Variants in EVL observed in about 807,000 individuals in gnomAD.
EVL encodes the protein Enah/Vasp-like.
In EVL, 21 loss-of-function variants were observed where a neutral mutation model predicts 59.6. The observed-to-expected ratio is 0.35, with a 90% confidence interval of 0.25 to 0.51. The LOEUF (loss-of-function observed/expected upper bound fraction) is 0.51, where lower values mean the gene tolerates loss of function less well. Among genes scored for constraint, EVL ranks in the 20% least tolerant of loss-of-function variants. The pLI, the probability that EVL is intolerant of heterozygous loss-of-function variation, is 0.97. For synonymous variants in EVL, 198 were observed against 203.5 expected, an observed-to-expected ratio of 0.97 and a Z score of 0.23; for missense variants, 462 against 546.6, an observed-to-expected ratio of 0.85 and a Z score of 1.54.
chr14:100,094,976 G>A lies in EVL; in HGVS notation c.181-2505G>A, dbSNP rs1432203052. 3.9e-5 allele frequency among the ~76,000 whole-genome samples: 6 copies of A among 152,168 alleles called. No homozygotes were observed. In the East Asian group the frequency reaches 1.2e-3, roughly 29 times the overall value. On this transcript the variant is annotated intron_variant, in intron 2 of 13. Coordinates refer to ENST00000392920, the MANE Select transcript of EVL (RefSeq NM_016337.3). ...GAAACGTTTGAACCCGGGAGGTGGAGGTTGCAGTGAGCCAAGATCGCACCA... is the reference window on the plus strand; with the variant it reads ...GAAACGTTTGAACCCGGGAGGTGGAAGTTGCAGTGAGCCAAGATCGCACCA...
chr14:99,989,634 G>T (rs75077944), intron 1 of EVL, among the ~76,000 whole-genome samples: 1 of 152,112 alleles, frequency 6.6e-6, no homozygotes, highest in African/African-American at 2.4e-5. Context: ...TATAATATTC[G>T]TCCTGATTGT....
In EVL at chr14:100,006,374, T is replaced by C. The variant is rs968923241; in HGVS notation, c.5+34317T>C. On this transcript the variant is annotated intron_variant, in intron 1 of 13. Transcript: ENST00000402714. The stretch of plus-strand genomic sequence containing the variant: ...ATCTTGGCTCACTGCAACCTCCGCC[T>C]CCCGTGTTCAAGCAATTCTCCTGCG... 4.1e-5 allele frequency among the ~76,000 whole-genome samples: 6 copies of C among 147,802 alleles called. No individual in the cohort carries two copies. The South Asian group carries it at 8.7e-4, about 22-fold the overall frequency.
In EVL at chr14:100,137,780, C is replaced by T. The variant is rs762385474; in HGVS notation, c.1072C>T (p.Leu358Phe). Residue 358 changes from leucine (L) to phenylalanine (F), a missense_variant, in exon 11 of 14, where the codon CTT becomes TTT. Leu to Phe is a conservative substitution (Grantham distance 22). Coordinates refer to ENST00000392920, the MANE Select transcript of EVL (RefSeq NM_016337.3). ...AAAGAGCCCCGAAGCTAAGAGCCCC[C>T]TTCAGTCGCAGCCTCACTCTAGGTA... ...VAKSPEAKSP[L>F]QSQPHSRMKP... 1.9e-6 allele frequency: 3 copies of T among 1,614,058 alleles called. No homozygotes were observed. The highest frequency in any genetic ancestry group is 2.7e-5 in the African/African-American group (2 of 74,934).
intron 1 of EVL, among the ~76,000 whole-genome samples, chr14:100,048,200 CT>C (rs561764474): frequency 4.9e-4 from 75 of 152,216 alleles, no homozygotes; most frequent in African/African-American, 1.7e-3. Flanking sequence ...GTGAAGGATA[CT>C]TTTATAAGAA....
intron 13 of EVL, chr14:100,142,145 C>A (rs1202293438): frequency 1.1e-5 from 2 of 187,790 alleles, no homozygotes; most frequent in East Asian, 1.3e-4. Flanking sequence ...CATTCCACCC[C>A]CTGGCGGTTT....
chr14:99,980,941 A>G (rs1224972986), intron 1 of EVL, among the ~76,000 whole-genome samples: 1 of 152,096 alleles, frequency 6.6e-6, no homozygotes. Flanking sequence ...TTAGTTTTAT[A>G]GTTGTGTATA....
chr14:100,084,510 C>T (rs868864957), intron 1 of EVL, among the ~76,000 whole-genome samples, 177 bp from the exon 2 acceptor site: 10 of 152,206 alleles, frequency 6.6e-5, no homozygotes, highest in African/African-American at 2.2e-4. Flanking sequence ...TCTGCAAGCT[C>T]CTTAGAGAAT....
chr14:100,020,355 G>T (rs2061099971), intron 1 of EVL, among the ~76,000 whole-genome samples: 1 of 152,108 alleles, frequency 6.6e-6, no homozygotes, highest in South Asian at 2.1e-4. Context: ...GGGAAGGGAT[G>T]TTCCAATAGA....
chr14:100,017,214 A>G (rs2140197426), intron 1 of EVL, among the ~76,000 whole-genome samples: 1 of 152,286 alleles, frequency 6.6e-6, no homozygotes, highest in South Asian at 2.1e-4. Flanking sequence ...ATTTTTCACC[A>G]TTTCTACCAA....
Position 100,123,604 on chromosome 14 carries a change from T to C in EVL, c.422+2T>C. On this transcript the variant is annotated splice_donor_variant, in intron 4 of 13. Transcript: ENST00000392920. LOFTEE classifies it high-confidence loss of function. ...TGATGAGATGGACATCCAGAGAAGG[T>C]AACCCAGCACCCGCAGGGGCCAGGC... The C allele has an allele frequency of 6.2e-7, 1 of 1,613,956 alleles. No individual in the cohort carries two copies. The highest frequency in any genetic ancestry group is 8.5e-7 in the Non-Finnish European group (1 of 1,179,930).
intron 1 of EVL, among the ~76,000 whole-genome samples, chr14:100,013,639 G>C (rs2061031582): frequency 6.6e-6 from 1 of 152,310 alleles, no homozygotes; most frequent in East Asian, 1.9e-4. Context: ...GAAAAGAATA[G>C]TATTTTTAGT....
At chr14:100,128,466 C>T in intron 5 of EVL, 53 bp from the exon 6 acceptor site, 1 of 1,583,454 alleles carries the variant, frequency 6.3e-7, no homozygotes, top group East Asian at 2.2e-5. Flanking sequence ...GAGCAGCAGG[C>T]TTGGCCCCCA....
intron 1 of EVL, among the ~76,000 whole-genome samples, chr14:100,000,191 G>A (rs143692341): frequency 0.043 from 6,494 of 152,288 alleles, 207 homozygotes; most frequent in African/African-American, 0.077. Flanking sequence ...GGTGGTCAGG[G>A]CACAACTTGG....
Position 100,106,973 on chromosome 14 carries a change from G to C in EVL, c.358+9315G>C, listed in dbSNP as rs116949112. ...AGTGTGGTGGGAGCAGCTTGGTCTA[G>C]CAGGAAGAGTGCATGTCCTGGAGCC... On this transcript the variant is annotated intron_variant, in intron 3 of 13. Coordinates refer to ENST00000392920, the MANE Select transcript of EVL (RefSeq NM_016337.3). The C allele has an allele frequency of 8.8e-4, 352 of 398,708 alleles. 3 individuals are homozygous for C. In the East Asian group the frequency reaches 0.011, roughly 12 times the overall value. 24.7% of individuals were successfully genotyped at this position (398,708 alleles called of 1,614,324 possible).
intron 1 of EVL, among the ~76,000 whole-genome samples, chr14:99,985,389 C>T (rs2060833576): frequency 6.6e-6 from 1 of 152,062 alleles, no homozygotes; most frequent in Admixed American, 6.6e-5. Context: ...CTTTGTACTT[C>T]CTTGAACTGG....
intron 1 of EVL, chr14:99,974,485 T>C (rs2060756367): frequency 6.5e-6 from 1 of 153,344 alleles, no homozygotes; most frequent in African/African-American, 2.4e-5. Flanking sequence ...AACAGTGGCC[T>C]TGGTGAAGTT....
chr14:99,984,557 A>G (rs1269927290), intron 1 of EVL, among the ~76,000 whole-genome samples: 2 of 152,194 alleles, frequency 1.3e-5, no homozygotes, highest in African/African-American at 2.4e-5. Context: ...TCCTGCACAC[A>G]TATAGTTTCT....
intron 1 of EVL, among the ~76,000 whole-genome samples, chr14:100,079,105 G>C (rs2062232845): frequency 6.6e-6 from 1 of 152,196 alleles, no homozygotes; most frequent in South Asian, 2.1e-4. Context: ...CCGCAGGCCT[G>C]GGCCCAGGCA....
chr14:100,013,441 T>A (rs1462565685), intron 1 of EVL, among the ~76,000 whole-genome samples: 1 of 152,116 alleles, frequency 6.6e-6, no homozygotes, highest in Non-Finnish European at 1.5e-5. Flanking sequence ...GTCTTCCCCA[T>A]TTTAGGATGA....
Sources: gnomAD v4.1 joint callset for allele counts (sites outside exome capture counted in the v4.1 genomes callset) on GRCh38, gnomAD v4.1.1 for gene constraint, MANE v1.5 for transcripts, NCBI Gene and HGNC (gene_info 2026-07-23, HGNC 2026-07-21) for gene names.